The following PLGRKT variants were observed in gnomAD, a reference collection of about 807,000 sequenced individuals.
PLGRKT encodes plasminogen receptor with a C-terminal lysine, also known as plasminogen receptor (KT).
In PLGRKT, 22 loss-of-function variants were observed where a neutral mutation model predicts 18.5. The ratio of observed to expected loss-of-function variants is 1.19; its 90% CI spans 0.85 to 1.70. The LOEUF is 1.70. Ranked by LOEUF, PLGRKT falls within the 40% of genes most tolerant of loss-of-function variation. PLGRKT has a pLI of 0.00. For synonymous variants in PLGRKT, 72 were observed against 52.8 expected (o/e 1.36, Z -1.58); for missense variants, 235 against 174.4 (o/e 1.35, Z -1.96).
intron 3 of PLGRKT, among the ~76,000 whole-genome samples, chr9:5,392,822 ATTTAC>A (rs904172444): frequency 6.6e-6 from 1 of 151,420 alleles, no homozygotes; most frequent in Non-Finnish European, 1.5e-5. Context: ...ATTTTTATTT[ATTTAC>A]TTTATTTCAT....
intron 3 of PLGRKT, among the ~76,000 whole-genome samples, chr9:5,422,401 T>C (rs1170514452): frequency 6.6e-6 from 1 of 152,102 alleles, no homozygotes; most frequent in African/African-American, 2.4e-5. Flanking sequence ...AAGAATGAAA[T>C]AGAAGAATAT....
chr9:5,370,859 G>A lies in PLGRKT; in HGVS notation c.82-8971C>T, dbSNP rs73639295. ...GGCATTTAACCTTAACTTGCTTGAC[G>A]GATATGTTAAATGTTCAATGTCCAG... On this transcript the variant is annotated intron_variant, in intron 3 of 5. Transcript: ENST00000223864. Among the ~76,000 whole-genome samples, 953 of 152,174 alleles carry A rather than the reference G, an allele frequency of 6.3e-3. 9 individuals carry two copies. Among genetic ancestry groups the A allele is most frequent in the African/African-American group, 0.022 (899 of 41,518 alleles).
At position 5,397,658 on chromosome 9, in the gene PLGRKT, G is replaced by A. The variant is rs996808896; in HGVS notation, c.81+34239C>T. Among the ~76,000 whole-genome samples, 11 of 148,346 alleles carry A rather than the reference G, an allele frequency of 7.4e-5. 1 individual carries two copies. Among genetic ancestry groups the A allele is most frequent in the African/African-American group, 2.9e-4 (11 of 38,018 alleles). ...GAGAGGGAAGAAGGAAGCAAGCAATGGTCAGTGGCTTGGAGGCATCTGCCT... is the reference window on the plus strand; with the variant it reads ...GAGAGGGAAGAAGGAAGCAAGCAATAGTCAGTGGCTTGGAGGCATCTGCCT... On this transcript the variant is annotated intron_variant, in intron 3 of 5. Transcript: ENST00000223864.
chr9:5,434,467 G>C lies in PLGRKT; in HGVS notation c.-7+2102C>G, dbSNP rs191902107. 2.1e-3 allele frequency among the ~76,000 whole-genome samples: 313 copies of C among 149,498 alleles called. 4 individuals are homozygous for C. The highest frequency in any genetic ancestry group is 7.2e-3 in the African/African-American group (289 of 40,110). On this transcript the variant is annotated intron_variant, in intron 2 of 5. Coordinates refer to ENST00000223864, the MANE Select transcript of PLGRKT (RefSeq NM_018465.4). Reference sequence around the variant, plus strand: ...GGCCGCCGCCCCGTCTGGGAGGTGAGGGGTGTCTCTGCCCGGCTGCCCCGC... The same window carrying C: ...GGCCGCCGCCCCGTCTGGGAGGTGACGGGTGTCTCTGCCCGGCTGCCCCGC...
At chr9:5,416,039 T>A (rs1047558199) in intron 3 of PLGRKT, among the ~76,000 whole-genome samples, 11 of 152,118 alleles carry the variant, frequency 7.2e-5, no homozygotes, top group Admixed American at 6.5e-5. Flanking sequence ...TTGTAAATTG[T>A]TAATATTAGA....
chr9:5,365,243 T>A (rs1221814458), intron 3 of PLGRKT, among the ~76,000 whole-genome samples: 1 of 152,108 alleles, frequency 6.6e-6, no homozygotes, highest in East Asian at 1.9e-4. Context: ...ACTAAAATAA[T>A]AATAATGATG....
rs533967590 is a variant in PLGRKT at position 5,437,855 on chromosome 9, C to T, written c.-199G>A. Reference sequence around the variant, plus strand: ...CCTCCAGGCCCGGGCTCCTTTCGCCCGCTGCAGGGACCGGGCCTCGCTCCG... The same window carrying T: ...CCTCCAGGCCCGGGCTCCTTTCGCCTGCTGCAGGGACCGGGCCTCGCTCCG... On this transcript the variant is annotated 5_prime_UTR_variant, in exon 1 of 6. Coordinates refer to ENST00000223864, the MANE Select transcript of PLGRKT (RefSeq NM_018465.4). The T allele has an allele frequency of 1.3e-5, 2 of 152,256 alleles. No individual in the cohort carries two copies. The highest frequency in any genetic ancestry group is 2.9e-5 in the Non-Finnish European group (2 of 68,062). 9.4% of individuals were successfully genotyped at this position (152,256 alleles called of 1,614,324 possible). A position where few individuals can be genotyped will look rare whatever the true frequency, so the allele number is the denominator to read the frequency against.
chr9:5,418,603 C>A lies in PLGRKT; in HGVS notation c.81+13294G>T, dbSNP rs1352310791. ...GGTCACCACAGTGACGGACTTCTGC[C>A]GGTTCCTGGGCAGCAGGTGGCGGCT... On this transcript the variant is annotated intron_variant, in intron 3 of 5. Transcript: ENST00000223864. The surrounding 1 kb of genome is among the most constrained non-coding windows in gnomAD (Gnocchi z 4.2). The A allele has an allele frequency of 1.4e-6, 1 of 737,508 alleles. No individual in the cohort carries two copies. The highest frequency in any genetic ancestry group is 1.4e-5 in the South Asian group (1 of 72,114). 45.7% of individuals were successfully genotyped at this position (737,508 alleles called of 1,614,324 possible).
intron 3 of PLGRKT, among the ~76,000 whole-genome samples, chr9:5,387,576 A>G (rs1448279734): frequency 2.0e-5 from 3 of 151,914 alleles, no homozygotes; most frequent in Non-Finnish European, 4.4e-5. Flanking sequence ...CCCATATATA[A>G]GGAGCGTTAA....
At chr9:5,427,501 T>C (rs73641610) in intron 3 of PLGRKT, among the ~76,000 whole-genome samples, 2,188 of 152,326 alleles carry the variant, frequency 0.014, 50 homozygotes, top group African/African-American at 0.049. Flanking sequence ...ACTTTTATTA[T>C]AGTATACTGT....
At chr9:5,395,445 G>C (rs1415581046) in intron 3 of PLGRKT, among the ~76,000 whole-genome samples, 2 of 151,906 alleles carry the variant, frequency 1.3e-5, no homozygotes, top group Non-Finnish European at 2.9e-5. Flanking sequence ...TGAAATCCTG[G>C]ACAGTAGTTC....
intron 3 of PLGRKT, among the ~76,000 whole-genome samples, chr9:5,424,028 A>G (rs1818628766): frequency 1.5e-5 from 2 of 137,382 alleles, no homozygotes; most frequent in Non-Finnish European, 3.1e-5. Context: ...TATATGACAT[A>G]TATTGTATAT....
At chr9:5,359,095 C>G (rs1054345835) in intron 5 of PLGRKT, among the ~76,000 whole-genome samples, 11 of 150,332 alleles carry the variant, frequency 7.3e-5, no homozygotes, top group Non-Finnish European at 1.3e-4. Flanking sequence ...CAGTGTCTAG[C>G]TCTGTCGCCT....
intron 3 of PLGRKT, among the ~76,000 whole-genome samples, chr9:5,394,630 C>T (rs369509202): frequency 1.3e-5 from 2 of 151,836 alleles, no homozygotes; most frequent in South Asian, 2.1e-4. Context: ...TCAGGCTGGT[C>T]TCAACCTCCT....
chr9:5,402,917 G>C (rs1006979774), intron 3 of PLGRKT, among the ~76,000 whole-genome samples: 1 of 151,874 alleles, frequency 6.6e-6, no homozygotes, highest in Non-Finnish European at 1.5e-5. Flanking sequence ...CAAATGTCTT[G>C]ACAAGAAAAA....
chr9:5,405,672 C>A (rs749935071), intron 3 of PLGRKT, among the ~76,000 whole-genome samples: 1 of 152,104 alleles, frequency 6.6e-6, no homozygotes, highest in Non-Finnish European at 1.5e-5. Context: ...AAAATCTAGG[C>A]AATACTATTT....
At chr9:5,367,340 C>T (rs1453551733) in intron 3 of PLGRKT, among the ~76,000 whole-genome samples, 1 of 151,660 alleles carries the variant, frequency 6.6e-6, no homozygotes. Context: ...CCTGACTTTA[C>T]ACTATAGGGC....
At chr9:5,370,729 T>C (rs925091476) in intron 3 of PLGRKT, among the ~76,000 whole-genome samples, 15 of 152,360 alleles carry the variant, frequency 9.8e-5, no homozygotes, top group Non-Finnish European at 1.8e-4. Flanking sequence ...AATAGAAACA[T>C]TATTAATACC....
At chr9:5,417,506 A>T (rs1304680677) in intron 3 of PLGRKT, among the ~76,000 whole-genome samples, 2 of 152,222 alleles carry the variant, frequency 1.3e-5, no homozygotes, top group Non-Finnish European at 2.9e-5. Flanking sequence ...AAAAACAACA[A>T]AAGAAAAATA....
Sources: allele counts gnomAD v4.1 joint callset (sites outside exome capture counted in the v4.1 genomes callset), GRCh38; gene constraint gnomAD v4.1.1; non-coding constraint Gnocchi (gnomAD v3.1); transcripts MANE v1.5; gene names NCBI Gene and HGNC (gene_info 2026-07-23, HGNC 2026-07-21).